Variants in VWC2L observed in about 807,000 individuals in gnomAD.
VWC2L encodes the protein von Willebrand factor C domain containing 2 like.
A neutral mutation model predicts 21.6 loss-of-function variants in VWC2L; 10 were observed. The observed-to-expected ratio is 0.46, with a 90% CI of 0.29 to 0.78. The LOEUF (loss-of-function observed/expected upper bound fraction) is 0.78, where lower values mean the gene tolerates loss of function less well. VWC2L is among the 30% of genes least tolerant of loss of function. The pLI, the probability that VWC2L is intolerant of heterozygous loss-of-function variation, is 0.10. For synonymous variants in VWC2L, 96 were observed against 94.3 expected, an observed-to-expected ratio of 1.02 and a Z score of -0.10; for missense variants, 209 against 277.1, an observed-to-expected ratio of 0.75 and a Z score of 1.74.
At chr2:214,539,677 G>A (rs915021038) in intron 3 of VWC2L, among the ~76,000 whole-genome samples, 3 of 152,040 alleles carry the variant, frequency 2.0e-5, no homozygotes, top group African/African-American at 7.2e-5. Context: ...TTATTGATAG[G>A]CAATTTGTAA....
chr2:214,494,501 A>T (rs973556169), intron 3 of VWC2L, among the ~76,000 whole-genome samples: 2 of 152,156 alleles, frequency 1.3e-5, no homozygotes, highest in Non-Finnish European at 2.9e-5. Context: ...GTCAGGAATG[A>T]CTTGGGCCTT....
chr2:214,418,501 A>G (rs1014364202), intron 2 of VWC2L, among the ~76,000 whole-genome samples: 1 of 152,174 alleles, frequency 6.6e-6, no homozygotes, highest in Non-Finnish European at 1.5e-5. Context: ...CTGCAATAAT[A>G]TTAAATCATG....
rs1690271576 is a variant in VWC2L at position 214,578,738 on chromosome 2, G to T, written c.*2918G>T. 1 of 151,866 alleles carries T rather than the reference G, an allele frequency of 6.6e-6. No individual in the cohort carries two copies. The highest frequency in any genetic ancestry group is 6.6e-5 in the Admixed American group (1 of 15,240). The allele number at this position is 151,866 out of a possible 1,614,324, so 9.4% of individuals were successfully genotyped here. ...ATTTCTCCTCCGCCTTTGGTTCTCGGCTTTAACAACAGCTATGTTAAAATA... is the reference window on the plus strand; with the variant it reads ...ATTTCTCCTCCGCCTTTGGTTCTCGTCTTTAACAACAGCTATGTTAAAATA... On this transcript the variant is annotated 3_prime_UTR_variant, in exon 4 of 4. Transcript: ENST00000312504.
intron 3 of VWC2L, among the ~76,000 whole-genome samples, chr2:214,459,324 T>C (rs148818902): frequency 4.4e-4 from 67 of 152,318 alleles, no homozygotes; most frequent in African/African-American, 1.6e-3. Flanking sequence ...GTGGGTTTCT[T>C]TTAGGCAGCA....
In VWC2L at chr2:214,450,350, G is replaced by A. The variant is rs1372538587; in HGVS notation, c.520+13592G>A. 1.3e-5 allele frequency among the ~76,000 whole-genome samples: 2 copies of A among 152,172 alleles called. 1 individual carries two copies. The highest frequency in any genetic ancestry group is 4.1e-4 in the South Asian group (2 of 4,828). On this transcript the variant is annotated intron_variant, in intron 3 of 3. Coordinates refer to ENST00000312504, the MANE Select transcript of VWC2L (RefSeq NM_001080500.4). ...GTCATCAGAGAGGGACAGAAAAGCT[G>A]TTCAACCCATCACTATGGTGACCCT...
chr2:214,496,245 T>TATATATATATATATATATATATATA, intron 3 of VWC2L, among the ~76,000 whole-genome samples: 1 of 142,632 alleles, frequency 7.0e-6, no homozygotes, highest in East Asian at 2.0e-4. Context: ...TATTACAATC[T>TATATATATATATATATATATATATA]TATGGGACAA....
intron 3 of VWC2L, among the ~76,000 whole-genome samples, chr2:214,529,341 C>T (rs928351014): frequency 3.9e-5 from 6 of 152,158 alleles, no homozygotes; most frequent in Non-Finnish European, 8.8e-5. Flanking sequence ...GGTGCCCTGA[C>T]TCCAGGGCAA....
chr2:214,578,063 G>C lies in VWC2L; in HGVS notation c.*2243G>C, dbSNP rs921454254. 6.6e-6 allele frequency: 1 copy of C among 152,142 alleles called. No individual in the cohort carries two copies. The highest frequency in any genetic ancestry group is 2.4e-5 in the African/African-American group (1 of 41,444). The allele number at this position is 152,142 out of a possible 1,614,324, so 9.4% of individuals were successfully genotyped here. A position where few individuals can be genotyped will look rare whatever the true frequency, so the allele number is the denominator to read the frequency against. On this transcript the variant is annotated 3_prime_UTR_variant, in exon 4 of 4. Coordinates refer to ENST00000312504, the MANE Select transcript of VWC2L (RefSeq NM_001080500.4). ...CTTTAGCTTATGTCTAGACAGAGAT[G>C]TATTATAGAGCTTTCTTTGCCCCGA...
intron 3 of VWC2L, among the ~76,000 whole-genome samples, chr2:214,558,412 T>G (rs1261825878): frequency 1.3e-5 from 2 of 152,196 alleles, no homozygotes; most frequent in African/African-American, 2.4e-5. Flanking sequence ...CATGTGTATA[T>G]CAATTCAAAC....
rs57351904 is a variant in VWC2L at position 214,459,902 on chromosome 2, C to CTTTTTTT, written c.520+23160_520+23166dup. Among the ~76,000 whole-genome samples, 196 of 85,088 alleles carry CTTTTTTT rather than the reference C, an allele frequency of 2.3e-3. 1 individual carries two copies. Among genetic ancestry groups the CTTTTTTT allele is most frequent in the East Asian group, 3.6e-3 (10 of 2,750 alleles). 55.8% of individuals were successfully genotyped at this position (85,088 alleles called of 152,430 possible). On this transcript the variant is annotated intron_variant, in intron 3 of 3. Transcript: ENST00000312504. ...TCTAGAATTATTTCTTTTCCTTTGA[C>CTTTTTTT]TTTTTTTTTTTTTTTTTTTTTTGAG...
intron 2 of VWC2L, among the ~76,000 whole-genome samples, chr2:214,434,271 C>T (rs945713836): frequency 1.3e-5 from 2 of 152,182 alleles, no homozygotes; most frequent in African/African-American, 4.8e-5. Context: ...TCTGTTAACA[C>T]TTCTCCCAGA....
chr2:214,467,848 T>C (rs1703242275), intron 3 of VWC2L, among the ~76,000 whole-genome samples: 1 of 152,168 alleles, frequency 6.6e-6, no homozygotes, highest in South Asian at 2.1e-4. Flanking sequence ...TTTATATTTT[T>C]AATAACATAG....
At chr2:214,529,644 G>T (rs1180223011) in intron 3 of VWC2L, among the ~76,000 whole-genome samples, 1 of 152,134 alleles carries the variant, frequency 6.6e-6, no homozygotes, top group Non-Finnish European at 1.5e-5. Flanking sequence ...TCCAGGTTTT[G>T]TTCCATTGCA....
chr2:214,560,077 C>A (rs763030543), intron 3 of VWC2L, among the ~76,000 whole-genome samples: 3 of 152,110 alleles, frequency 2.0e-5, no homozygotes, highest in Non-Finnish European at 4.4e-5. Context: ...CCTCATTATA[C>A]ATTTTGTGGA....
intron 3 of VWC2L, among the ~76,000 whole-genome samples, chr2:214,541,312 A>T (rs1487709202): frequency 6.6e-6 from 1 of 151,526 alleles, no homozygotes; most frequent in Non-Finnish European, 1.5e-5. Context: ...CTTCTTTATT[A>T]TCTGAGTGAC....
At chr2:214,440,671 T>C (rs866681771) in intron 3 of VWC2L, among the ~76,000 whole-genome samples, 4 of 152,140 alleles carry the variant, frequency 2.6e-5, no homozygotes, top group African/African-American at 9.6e-5. Context: ...TATTTTTGTA[T>C]GTGAATTAAT....
At chr2:214,567,694 A>C (rs1690089692) in intron 3 of VWC2L, among the ~76,000 whole-genome samples, 1 of 152,120 alleles carries the variant, frequency 6.6e-6, no homozygotes, top group African/African-American at 2.4e-5. Flanking sequence ...AGGAAATGAA[A>C]AGTAGTTCTA....
At chr2:214,561,809 T>TATATATATATATACAC (rs1489588765) in intron 3 of VWC2L, among the ~76,000 whole-genome samples, 9 of 127,236 alleles carry the variant, frequency 7.1e-5, no homozygotes, top group African/African-American at 1.1e-4. Flanking sequence ...TATATATATA[T>TATATATATATATACAC]ACACACACAT....
At chr2:214,543,124 T>C (rs2105921754) in intron 3 of VWC2L, among the ~76,000 whole-genome samples, 1 of 152,278 alleles carries the variant, frequency 6.6e-6, no homozygotes, top group African/African-American at 2.4e-5. Flanking sequence ...CTCTTTTAGG[T>C]CAATATGAAA....
Sources: allele counts gnomAD v4.1 joint callset (sites outside exome capture counted in the v4.1 genomes callset), GRCh38; gene constraint gnomAD v4.1.1; transcripts MANE v1.5; gene names NCBI Gene and HGNC (gene_info 2026-07-23, HGNC 2026-07-21).